The following SH3PXD2B variants were observed in gnomAD, a reference collection of about 807,000 sequenced individuals.
SH3PXD2B encodes the protein SH3 and PX domains 2B.
A neutral mutation model predicts 73.1 loss-of-function variants in SH3PXD2B; 37 were observed. The observed-to-expected ratio is 0.51, with a 90% CI of 0.39 to 0.67. The LOEUF (loss-of-function observed/expected upper bound fraction) is 0.67. Among genes scored for constraint, SH3PXD2B ranks in the 30% least tolerant of loss-of-function variants. The pLI is 0.00. For synonymous variants in SH3PXD2B, 457 were observed against 480.5 expected (o/e 0.95, Z 0.64); for missense variants, 1,053 against 1,197.8 (o/e 0.88, Z 1.78).
At chr5:172,405,224 G>A (rs1758524695) in intron 3 of SH3PXD2B, among the ~76,000 whole-genome samples, 1 of 152,260 alleles carries the variant, frequency 6.6e-6, no homozygotes, top group African/African-American at 2.4e-5. Flanking sequence ...TGTGCTGCCT[G>A]GTAGCCATGT....
rs1169362623 is a variant in SH3PXD2B at position 172,336,279 on chromosome 5, G to C, written c.*2090C>G. 4 of 985,494 alleles carry C rather than the reference G, an allele frequency of 4.1e-6. No individual in the cohort carries two copies. Among genetic ancestry groups the C allele is most frequent in the Non-Finnish European group, 4.8e-6 (4 of 829,936 alleles). 61.0% of individuals were successfully genotyped at this position (985,494 alleles called of 1,614,324 possible). ...AGTTGTTTAAACCAAAGTGGATCAA[G>C]AACTCAGGAAAACTGCCATGGGGCC... On this transcript the variant is annotated 3_prime_UTR_variant, in exon 13 of 13. Transcript: ENST00000311601.
At chr5:172,436,647 T>C (rs912041742) in intron 1 of SH3PXD2B, among the ~76,000 whole-genome samples, 2 of 152,156 alleles carry the variant, frequency 1.3e-5, no homozygotes, top group African/African-American at 4.8e-5. Context: ...CTGTTTCTCA[T>C]ACCTACGAAA....
intron 1 of SH3PXD2B, among the ~76,000 whole-genome samples, chr5:172,440,256 G>A (rs932719878): frequency 1.3e-5 from 2 of 152,152 alleles, no homozygotes; most frequent in Admixed American, 6.5e-5. Context: ...AGGAGCACGC[G>A]GTCGAGATGG....
intron 6 of SH3PXD2B, among the ~76,000 whole-genome samples, chr5:172,365,045 A>G (rs1307989789): frequency 6.6e-6 from 1 of 152,178 alleles, no homozygotes; most frequent in Non-Finnish European, 1.5e-5. Context: ...CTCTGTGCCC[A>G]TGCTCTGGCC....
chr5:172,423,663 C>T (rs77925509), intron 1 of SH3PXD2B, among the ~76,000 whole-genome samples: 5,189 of 151,770 alleles, frequency 0.034, 288 homozygotes, highest in African/African-American at 0.12. Context: ...GGTTTGGTTT[C>T]TTTTTGGAGA....
chr5:172,451,111 T>C (rs1759786441), intron 1 of SH3PXD2B, among the ~76,000 whole-genome samples: 1 of 152,166 alleles, frequency 6.6e-6, no homozygotes, highest in African/African-American at 2.4e-5. Context: ...GAGGACGCCA[T>C]TCTGATCATG....
chr5:172,350,465 A>G lies in SH3PXD2B; in HGVS notation c.910T>C (p.Ser304Pro). The change falls in exon 10 of 13, where the codon TCC (serine) becomes CCC (proline). Residue 304 changes from serine to proline, a missense_variant. By Grantham distance (74) the Ser-to-Pro change is moderately conservative. This residue lies in a region of SH3PXD2B where 466 missense variants were observed against 607.1 expected (regional missense o/e 0.77). Transcript: ENST00000311601. Reference protein sequence around the residue: ...HPGALDLDGVSRQQNAVGREK... With the variant: ...HPGALDLDGVPRQQNAVGREK... ...CTGCCCACCGCGTTCTGCTGCCGGGAAACACCATCCAAGTCAAGGGCACCC... is the reference window on the plus strand; with the variant it reads ...CTGCCCACCGCGTTCTGCTGCCGGGGAACACCATCCAAGTCAAGGGCACCC... 10 of 1,614,082 alleles carry G rather than the reference A, an allele frequency of 6.2e-6. No individual in the cohort carries two copies. The highest frequency in any genetic ancestry group is 8.5e-6 in the Non-Finnish European group (10 of 1,180,024).
chr5:172,364,629 C>A (rs573627233), intron 6 of SH3PXD2B, among the ~76,000 whole-genome samples: 1 of 152,292 alleles, frequency 6.6e-6, no homozygotes, highest in Admixed American at 6.5e-5. Context: ...CGCACCACTG[C>A]ACTCCAGCCT....
intron 5 of SH3PXD2B, among the ~76,000 whole-genome samples, chr5:172,376,265 G>A (rs1757818993): frequency 1.3e-5 from 2 of 152,108 alleles, no homozygotes. Context: ...CTGACCTCAG[G>A]TGATTTGCCC....
chr5:172,326,468 C>CA (rs1238301397), intron 12 of SH3PXD2B, among the ~76,000 whole-genome samples: 1 of 152,012 alleles, frequency 6.6e-6, no homozygotes, highest in Non-Finnish European at 1.5e-5. Context: ...TGTGGCCCTC[C>CA]AAGGAGGGAG....
chr5:172,355,051 C>CTCAAG (rs1284377892), intron 8 of SH3PXD2B, among the ~76,000 whole-genome samples: 1 of 152,188 alleles, frequency 6.6e-6, no homozygotes, highest in East Asian at 1.9e-4. Context: ...GGATGTGTGT[C>CTCAAG]TCAAGGGAGC....
chr5:172,390,021 T>C (rs1758143755), intron 4 of SH3PXD2B, among the ~76,000 whole-genome samples: 1 of 152,212 alleles, frequency 6.6e-6, no homozygotes, highest in Non-Finnish European at 1.5e-5. Context: ...CCTGGACTAA[T>C]ACTTTTTAAC....
chr5:172,421,389 G>A lies in SH3PXD2B; in HGVS notation c.156+1027C>T, dbSNP rs1371987133. Among the ~76,000 whole-genome samples the A allele has an allele frequency of 6.6e-6, 1 of 152,198 alleles. No individual in the cohort carries two copies. Among genetic ancestry groups the A allele is most frequent in the Non-Finnish European group, 1.5e-5 (1 of 68,034 alleles). ...CTATAAGACTGGTAGTATACATGGT[G>A]TTCGTTCATTCATTCATTCATTCAC... On this transcript the variant is annotated intron_variant, in intron 2 of 12. Transcript: ENST00000311601. This position sits in a 1 kb window ranked among gnomAD's most constrained non-coding sequence, Gnocchi z 4.0.
intron 2 of SH3PXD2B, among the ~76,000 whole-genome samples, chr5:172,413,490 T>C (rs1239940741): frequency 6.6e-6 from 1 of 152,212 alleles, no homozygotes; most frequent in Non-Finnish European, 1.5e-5. Context: ...TCCTCACTGG[T>C]ACACGGTAAG....
intron 1 of SH3PXD2B, among the ~76,000 whole-genome samples, chr5:172,447,668 G>A (rs1759701092): frequency 6.6e-6 from 1 of 152,202 alleles, no homozygotes; most frequent in Non-Finnish European, 1.5e-5. Flanking sequence ...AACCCAAGCT[G>A]TCTGATGTAC....
intron 1 of SH3PXD2B, among the ~76,000 whole-genome samples, chr5:172,429,140 G>A (rs1483393667): frequency 6.6e-6 from 1 of 152,238 alleles, no homozygotes; most frequent in Non-Finnish European, 1.5e-5. Flanking sequence ...TAGGCTTCGT[G>A]AATAAATGGG....
chr5:172,366,770 C>A (rs1448382120), intron 6 of SH3PXD2B, among the ~76,000 whole-genome samples: 1 of 151,632 alleles, frequency 6.6e-6, no homozygotes, highest in Non-Finnish European at 1.5e-5. Context: ...GTAGCTGGGA[C>A]TACAGGCACA....
intron 1 of SH3PXD2B, among the ~76,000 whole-genome samples, chr5:172,425,583 A>G (rs1201426954): frequency 6.6e-6 from 1 of 151,926 alleles, no homozygotes; most frequent in East Asian, 1.9e-4. Flanking sequence ...GAGGAACAGG[A>G]GAGTATGACA....
chr5:172,452,485 C>T (rs757424919), intron 1 of SH3PXD2B, among the ~76,000 whole-genome samples: 4 of 152,122 alleles, frequency 2.6e-5, no homozygotes, highest in African/African-American at 7.2e-5. Context: ...TGGGGTCCAG[C>T]GGGCCTGGAT....
Sources: gnomAD v4.1 joint callset for allele counts (sites outside exome capture counted in the v4.1 genomes callset) on GRCh38, gnomAD v4.1.1 for gene constraint, gnomAD v4.1.1 regional missense constraint, Gnocchi (gnomAD v3.1) non-coding constraint, MANE v1.5 for transcripts, NCBI Gene and HGNC (gene_info 2026-07-23, HGNC 2026-07-21) for gene names.